WRN: variants seen among roughly 807,000 people sequenced by gnomAD.
WRN encodes WRN RecQ like helicase, also known as bifunctional 3'-5' exonuclease/ATP-dependent helicase WRN.
A neutral mutation model predicts 180.7 loss-of-function variants in WRN; 149 were observed. That is an observed-to-expected ratio of 0.82 (90% CI 0.72 to 0.94). The LOEUF (loss-of-function observed/expected upper bound fraction) is 0.94. Among genes scored for constraint, WRN ranks in the 40% least tolerant of loss-of-function variants. The pLI is 0.00. For missense variants in WRN, 1,661 were observed against 1,700.1 expected (o/e 0.98, Z 0.40); for synonymous variants, 548 against 568.9 (o/e 0.96, Z 0.52).
intron 32 of WRN, among the ~76,000 whole-genome samples, chr8:31,156,336 A>G (rs1453331825): frequency 1.3e-5 from 2 of 152,170 alleles, no homozygotes; most frequent in Admixed American, 6.5e-5. Context: ...ATTGTGTGAT[A>G]TGGTGGTATA....
intron 33 of WRN, 126 bp downstream of exon 33, chr8:31,157,656 CT>C (rs1465157484): frequency 7.5e-7 from 1 of 1,328,086 alleles, no homozygotes; most frequent in Admixed American, 2.0e-5. Context: ...TTTTGTGATT[CT>C]TTTTCTTGTT....
intron 1 of WRN, among the ~76,000 whole-genome samples, chr8:31,036,405 T>A (rs1354796783): frequency 6.6e-6 from 1 of 152,230 alleles, no homozygotes; most frequent in Non-Finnish European, 1.5e-5. Flanking sequence ...CTGGACCCGC[T>A]TGTAGTTCTA....
chr8:31,146,379 T>C (rs1006979788), intron 28 of WRN, among the ~76,000 whole-genome samples: 4 of 151,708 alleles, frequency 2.6e-5, no homozygotes, highest in African/African-American at 9.7e-5. Context: ...CGTGTTATTA[T>C]GGCCACCACT....
At chr8:31,085,269 A>G (rs1813485432) in intron 11 of WRN, 23 bp downstream of exon 11, 3 of 1,611,730 alleles carry the variant, frequency 1.9e-6, no homozygotes, top group South Asian at 1.1e-5. Flanking sequence ...TTATAAAAAC[A>G]TTACTTCAAG....
intron 23 of WRN, among the ~76,000 whole-genome samples, chr8:31,125,537 G>GATAGATATATATATATATATATAT (rs1554529384): frequency 3.1e-5 from 2 of 63,766 alleles, no homozygotes; most frequent in Non-Finnish European, 6.1e-5. Context: ...ATATTATGGA[G>GATAGATATATATATATATATATAT]ATATATATAT....
intron 1 of WRN, among the ~76,000 whole-genome samples, chr8:31,042,533 T>G (rs1323325710): frequency 6.6e-6 from 1 of 152,226 alleles, no homozygotes; most frequent in Non-Finnish European, 1.5e-5. Context: ...TTGATGAGAC[T>G]CTTCTTGTAG....
rs766910166 is a variant in WRN at position 31,087,819 on chromosome 8, C to T, written c.1475C>T (p.Ser492Phe). 2.5e-6 allele frequency: 4 copies of T among 1,613,560 alleles called. No homozygotes were observed. The highest frequency in any genetic ancestry group is 3.4e-6 in the Non-Finnish European group (4 of 1,179,788). Residue 492 changes from serine (S) to phenylalanine (F), a missense_variant, in exon 12 of 35, where the codon TCT becomes TTT. Around this residue, in one of 3 missense-constraint regions of WRN, gnomAD observed 1,141 missense variants for 1,149.4 expected, o/e 0.99. Coordinates refer to ENST00000298139, the MANE Select transcript of WRN (RefSeq NM_000553.6). Reference sequence around the variant, plus strand: ...AGTGGCACGGTAGAACCAACTCATTCTAAATGCTTAAAAATGGAAAGAAAT... The same window carrying T: ...AGTGGCACGGTAGAACCAACTCATTTTAAATGCTTAAAAATGGAAAGAAAT... ...LNSGTVEPTHSKCLKMERNLG... is the reference protein window; with the variant it reads ...LNSGTVEPTHFKCLKMERNLG...
chr8:31,170,083 G>A (rs1233788980), intron 34 of WRN, among the ~76,000 whole-genome samples: 1 of 152,158 alleles, frequency 6.6e-6, no homozygotes, highest in African/African-American at 2.4e-5. Context: ...CTCCCGTACA[G>A]ATGTCAGTAC....
intron 1 of WRN, among the ~76,000 whole-genome samples, chr8:31,042,494 A>G (rs561090767): frequency 6.6e-6 from 1 of 152,350 alleles, no homozygotes; most frequent in African/African-American, 2.4e-5. Flanking sequence ...ATTGTAACTA[A>G]TAGTCAGCCC....
chr8:31,127,526 T>G (rs1206327678), intron 23 of WRN, among the ~76,000 whole-genome samples: 1 of 126,914 alleles, frequency 7.9e-6, no homozygotes, highest in African/African-American at 3.0e-5. Context: ...GATGGAGTTG[T>G]TCTCTGTGTA....
chr8:31,146,920 A>G (rs1802875853), intron 28 of WRN, 133 bp from the exon 29 acceptor site: 1 of 707,478 alleles, frequency 1.4e-6, no homozygotes, highest in Non-Finnish European at 2.3e-6. Flanking sequence ...TAAATAACAA[A>G]TTACCTTACT....
chr8:31,160,546 G>T (rs892257638), intron 33 of WRN, among the ~76,000 whole-genome samples: 1 of 152,162 alleles, frequency 6.6e-6, no homozygotes, highest in Non-Finnish European at 1.5e-5. Flanking sequence ...ATGAGATAGC[G>T]TTTTAGGGAA....
intron 2 of WRN, 128 bp downstream of exon 2, chr8:31,058,671 C>G: frequency 1.1e-6 from 1 of 895,972 alleles, no homozygotes; most frequent in South Asian, 1.5e-5. Flanking sequence ...CTAAATGCAC[C>G]AGGACCTAGT....
At chr8:31,120,900 A>G (rs1006739159) in intron 21 of WRN, among the ~76,000 whole-genome samples, 1 of 151,754 alleles carries the variant, frequency 6.6e-6, no homozygotes, top group East Asian at 1.9e-4. Context: ...TCTTGTTACT[A>G]TTTGTTTTCT....
At chr8:31,049,210 C>CAAAAAAAAAAAAA (rs72226104) in intron 1 of WRN, among the ~76,000 whole-genome samples, 13 of 31,790 alleles carry the variant, frequency 4.1e-4, no homozygotes, top group East Asian at 9.6e-4. Context: ...GACTCTGTCT[C>CAAAAAAAAAAAAA]AAAAAAAAAA....
At chr8:31,153,027 A>G (rs1189999170) in intron 31 of WRN, among the ~76,000 whole-genome samples, 5 of 129,210 alleles carry the variant, frequency 3.9e-5, no homozygotes, top group East Asian at 2.0e-4. Flanking sequence ...TGAGTGATAG[A>G]AAAAAAAAAA....
intron 7 of WRN, 38 bp downstream of exon 7, chr8:31,068,365 T>C (rs1812788740): frequency 7.3e-6 from 11 of 1,514,198 alleles, no homozygotes; most frequent in Non-Finnish European, 6.4e-6. Flanking sequence ...GAATTCACTC[T>C]TTTGTGAGGT....
chr8:31,142,483 C>T, intron 26 of WRN, 143 bp from the exon 27 acceptor site: 2 of 583,710 alleles, frequency 3.4e-6, no homozygotes, highest in Non-Finnish European at 5.5e-6. Flanking sequence ...AGAGCTTTTT[C>T]TAGAAAAAAA....
intron 3 of WRN, among the ~76,000 whole-genome samples, chr8:31,062,084 TC>T (rs1474996766): frequency 6.6e-6 from 1 of 152,114 alleles, no homozygotes; most frequent in Non-Finnish European, 1.5e-5. Context: ...CTGCAATGGG[TC>T]CCAGGAAGAA....
Sources: allele counts gnomAD v4.1 joint callset (sites outside exome capture counted in the v4.1 genomes callset), GRCh38; gene constraint gnomAD v4.1.1; regional missense constraint gnomAD v4.1.1; transcripts MANE v1.5; gene names NCBI Gene and HGNC (gene_info 2026-07-23, HGNC 2026-07-21).